Variants in DLG2 observed in about 807,000 individuals in gnomAD.
DLG2 encodes discs large MAGUK scaffold protein 2, also known as disks large homolog 2.
Under a neutral mutation model 132.5 loss-of-function variants are expected in DLG2, and 45 were observed. The ratio of observed to expected loss-of-function variants is 0.34; its 90% CI spans 0.27 to 0.44. DLG2 has a LOEUF of 0.44. Among genes scored for constraint, DLG2 ranks in the 20% least tolerant of loss-of-function variants. DLG2 has a pLI of 1.00. For missense variants in DLG2, 1,045 were observed against 1,196.9 expected (o/e 0.87, Z 1.87); for synonymous variants, 424 against 419.6 (o/e 1.01, Z -0.13).
intron 3 of DLG2, among the ~76,000 whole-genome samples, chr11:85,419,429 T>G (rs1377950390): frequency 6.6e-6 from 1 of 152,162 alleles, no homozygotes; most frequent in African/African-American, 2.4e-5. Flanking sequence ...GAGGAGTATC[T>G]TTGTGGTGTT....
intron 15 of DLG2, among the ~76,000 whole-genome samples, chr11:83,877,595 A>G (rs1218570612): frequency 2.0e-5 from 3 of 152,150 alleles, no homozygotes; most frequent in Non-Finnish European, 2.9e-5. Flanking sequence ...TGCAAATGGT[A>G]CCCTGAGGTG....
intron 19 of DLG2, among the ~76,000 whole-genome samples, chr11:83,556,095 T>G (rs2096510774): frequency 6.6e-6 from 1 of 152,182 alleles, no homozygotes; most frequent in Non-Finnish European, 1.5e-5. Context: ...AGTAGCTATT[T>G]ATGGCACGTG....
intron 6 of DLG2, among the ~76,000 whole-genome samples, chr11:84,581,148 G>T (rs1042633951): frequency 6.6e-6 from 1 of 152,112 alleles, no homozygotes; most frequent in Non-Finnish European, 1.5e-5. Context: ...ACGAATTGAA[G>T]AACCACATAG....
chr11:85,201,892 T>C (rs2081494274), intron 4 of DLG2, among the ~76,000 whole-genome samples: 2 of 151,146 alleles, frequency 1.3e-5, no homozygotes, highest in South Asian at 4.2e-4. Flanking sequence ...ATGTAACAGA[T>C]AAATCAAAAT....
Position 85,487,508 on chromosome 11 carries a change from T to A in DLG2, c.40+111149A>T, listed in dbSNP as rs576331236. 2.0e-5 allele frequency among the ~76,000 whole-genome samples: 3 copies of A among 149,518 alleles called. No individual in the cohort carries two copies. In the East Asian group the frequency reaches 5.8e-4, roughly 29 times the overall value. ...AAGAACCAAATAGAACTTATGGAACTGAAAAATTAATTGGAGAAAATACAA... is the reference window on the plus strand; with the variant it reads ...AAGAACCAAATAGAACTTATGGAACAGAAAAATTAATTGGAGAAAATACAA... On this transcript the variant is annotated intron_variant, in intron 3 of 27. Transcript: ENST00000376104.
chr11:84,827,279 C>A (rs2078444804), intron 6 of DLG2, among the ~76,000 whole-genome samples: 1 of 151,226 alleles, frequency 6.6e-6, no homozygotes, highest in Non-Finnish European at 1.5e-5. Context: ...ATAAAATGGG[C>A]TAGATAGGAC....
intron 5 of DLG2, among the ~76,000 whole-genome samples, chr11:85,125,976 T>C (rs577712336): frequency 6.6e-6 from 1 of 152,206 alleles, no homozygotes; most frequent in African/African-American, 2.4e-5. Context: ...CAGAGTGTAC[T>C]CCAAGAATAC....
At chr11:84,265,291 G>T (rs917156879) in intron 7 of DLG2, among the ~76,000 whole-genome samples, 5 of 152,012 alleles carry the variant, frequency 3.3e-5, no homozygotes, top group African/African-American at 1.2e-4. Flanking sequence ...CACACTTTTG[G>T]GTCAGGCACT....
chr11:85,389,291 C>T lies in DLG2; in HGVS notation c.41-103926G>A, dbSNP rs142885736. On this transcript the variant is annotated intron_variant, in intron 3 of 27. Coordinates refer to ENST00000376104, the MANE Select transcript of DLG2 (RefSeq NM_001142699.3). The stretch of plus-strand genomic sequence containing the variant: ...CAAAGACAAGGCTTTCAAATTAACC[C>T]AATCCAACAACAACAAAGAAAAAAT... Among the ~76,000 whole-genome samples, 443 of 152,190 alleles carry T rather than the reference C, an allele frequency of 2.9e-3. 1 individual carries two copies. Among genetic ancestry groups the T allele is most frequent in the African/African-American group, 0.01 (429 of 41,520 alleles).
chr11:83,777,961 GA>G (rs2094653211), intron 18 of DLG2, among the ~76,000 whole-genome samples: 2 of 152,146 alleles, frequency 1.3e-5, no homozygotes, highest in African/African-American at 2.4e-5. Flanking sequence ...TCCATGTTCA[GA>G]AAAGTGATAT....
chr11:83,879,439 A>G lies in DLG2; in HGVS notation c.1497-4951T>C, dbSNP rs566207815. Among the ~76,000 whole-genome samples, 341 of 151,884 alleles carry G rather than the reference A, an allele frequency of 2.2e-3. 1 individual carries two copies. The highest frequency in any genetic ancestry group is 7.4e-3 in the African/African-American group (305 of 41,404). ...TTATCCTTGTCATATTTAACTCTTC[A>G]TCTCTCTCTTGCATATTTGTATCCA... On this transcript the variant is annotated intron_variant, in intron 15 of 27. Coordinates refer to ENST00000376104, the MANE Select transcript of DLG2 (RefSeq NM_001142699.3).
chr11:83,503,807 C>T (rs1415418059), intron 21 of DLG2, among the ~76,000 whole-genome samples: 1 of 152,116 alleles, frequency 6.6e-6, no homozygotes, highest in Admixed American at 6.5e-5. Context: ...CAATAGTTTG[C>T]ATCCTTCCAC....
chr11:85,378,471 T>C (rs1022777246), intron 3 of DLG2, among the ~76,000 whole-genome samples: 2 of 152,154 alleles, frequency 1.3e-5, no homozygotes, highest in South Asian at 4.1e-4. Context: ...ATACCTATTT[T>C]CTAGTTACCA....
intron 20 of DLG2, among the ~76,000 whole-genome samples, chr11:83,539,976 G>A (rs1303194358): frequency 6.6e-6 from 1 of 152,146 alleles, no homozygotes; most frequent in Admixed American, 6.5e-5. Flanking sequence ...AAACTGTATA[G>A]TTCAACCCCT....
At position 85,170,308 on chromosome 11, in the gene DLG2, T is replaced by C. The variant is rs536512615; in HGVS notation, c.187-15657A>G. Among the ~76,000 whole-genome samples the C allele has an allele frequency of 3.9e-5, 6 of 152,084 alleles. No homozygotes were observed. In the South Asian group the frequency reaches 1.0e-3, roughly 26 times the overall value. The stretch of plus-strand genomic sequence containing the variant: ...TCCTGTGTCTCTGTATGACATTCTT[T>C]CCCCCCACATATACAGCAGGATACT... On this transcript the variant is annotated intron_variant, in intron 4 of 27. Coordinates refer to ENST00000376104, the MANE Select transcript of DLG2 (RefSeq NM_001142699.3).
intron 6 of DLG2, among the ~76,000 whole-genome samples, chr11:84,779,262 C>A (rs2071272600): frequency 6.6e-6 from 1 of 152,096 alleles, no homozygotes; most frequent in South Asian, 2.1e-4. Flanking sequence ...TTCGGTCCCT[C>A]TGGAGAACCC....
intron 7 of DLG2, among the ~76,000 whole-genome samples, chr11:84,494,900 G>A (rs2099176608): frequency 6.6e-6 from 1 of 152,086 alleles, no homozygotes; most frequent in African/African-American, 2.4e-5. Context: ...ACCCATCAGT[G>A]ACTTTGCATT....
chr11:85,501,299 C>G (rs1043601921), intron 3 of DLG2, among the ~76,000 whole-genome samples: 1 of 152,134 alleles, frequency 6.6e-6, no homozygotes, highest in East Asian at 1.9e-4. Flanking sequence ...AACATAAGAC[C>G]TAGGACCATA....
chr11:83,647,187 CAG>C (rs1257133581), intron 18 of DLG2: 1 of 149,526 alleles, frequency 6.7e-6, no homozygotes, highest in Non-Finnish European at 1.5e-5. Context: ...TCAGTTTCCC[CAG>C]AGTCTCTTAA....
Sources: gnomAD v4.1 joint callset for allele counts (sites outside exome capture counted in the v4.1 genomes callset) on GRCh38, gnomAD v4.1.1 for gene constraint, MANE v1.5 for transcripts, NCBI Gene and HGNC (gene_info 2026-07-23, HGNC 2026-07-21) for gene names.